Variants in SNX25 observed in about 807,000 individuals in gnomAD.
The protein encoded by SNX25 is sorting nexin-25.
A neutral mutation model predicts 113.7 loss-of-function variants in SNX25; 62 were observed. The observed-to-expected ratio is 0.55, with a 90% CI of 0.44 to 0.67. The LOEUF is 0.67. Ranked by LOEUF, SNX25 falls within the 30% of genes least tolerant of loss-of-function variation. The probability of loss-of-function intolerance (pLI) is 0.00; values close to 1 mark genes in which losing one functional copy is unlikely to be tolerated. For synonymous variants in SNX25, 421 were observed against 436.2 expected (o/e 0.97, Z 0.43); for missense variants, 1,014 against 1,161.0 (o/e 0.87, Z 1.84).
intron 10 of SNX25, 95 bp from the exon 11 acceptor site, chr4:185,339,284 C>A: frequency 8.5e-7 from 1 of 1,170,204 alleles, no homozygotes; most frequent in Non-Finnish European, 1.2e-6. Flanking sequence ...CGAAACACAG[C>A]TGATTATTGT....
chr4:185,217,857 C>G (rs925032476), intron 1 of SNX25, among the ~76,000 whole-genome samples: 1 of 152,136 alleles, frequency 6.6e-6, no homozygotes, highest in African/African-American at 2.4e-5. Flanking sequence ...TAATTGCATA[C>G]CACCTTGCCA....
chr4:185,326,218 C>T (rs1012681770), intron 9 of SNX25, among the ~76,000 whole-genome samples: 2 of 152,132 alleles, frequency 1.3e-5, no homozygotes, highest in African/African-American at 4.8e-5. Context: ...ATATTTTAAG[C>T]AAAACGTCAG....
At chr4:185,336,183 A>G (rs2095228805) in intron 10 of SNX25, among the ~76,000 whole-genome samples, 1 of 152,188 alleles carries the variant, frequency 6.6e-6, no homozygotes, top group African/African-American at 2.4e-5. Context: ...TTTATTTTTT[A>G]TTTCAATACG....
chr4:185,341,530 A>G (rs1428621818), intron 11 of SNX25, among the ~76,000 whole-genome samples: 1 of 152,202 alleles, frequency 6.6e-6, no homozygotes, highest in East Asian at 1.9e-4. Context: ...CACAGGATGC[A>G]TTGGCTCCCT....
the SNX25 span, chr4:185,378,014 T>G: frequency 1.6e-5 from 20 of 1,244,806 alleles, no homozygotes; most frequent in African/African-American, 2.3e-4. Context: ...TTGTCTCGTT[T>G]GCTCTAGCAT....
chr4:185,256,798 A>G (rs1424427361), intron 2 of SNX25, among the ~76,000 whole-genome samples: 1 of 151,298 alleles, frequency 6.6e-6, no homozygotes, highest in Non-Finnish European at 1.5e-5. Flanking sequence ...TAATTTTTGT[A>G]TTTTTTGTAG....
intron 1 of SNX25, among the ~76,000 whole-genome samples, chr4:185,221,027 C>A (rs1739755514): frequency 6.6e-6 from 1 of 151,650 alleles, no homozygotes; most frequent in Non-Finnish European, 1.5e-5. Context: ...CCACCACACC[C>A]AGCTAATTTT....
intron 2 of SNX25, among the ~76,000 whole-genome samples, chr4:185,249,920 A>G (rs1045234870): frequency 6.6e-6 from 1 of 152,092 alleles, no homozygotes; most frequent in African/African-American, 2.4e-5. Context: ...GCTAATTCCA[A>G]CATCCGGGCT....
chr4:185,306,312 C>G lies in SNX25; in HGVS notation c.1163-4323C>G, dbSNP rs1317511785. On this transcript the variant is annotated intron_variant, in intron 6 of 18. Coordinates refer to ENST00000652585, the MANE Select transcript of SNX25 (RefSeq NM_001378034.2). ...AAAATAAACAGAACCATCTAAGCAA[C>G]AAGCTGCTGTTGCATTTGTTAGCAA... Among the ~76,000 whole-genome samples the G allele has an allele frequency of 4.6e-5, 7 of 152,246 alleles. No homozygotes were observed. The East Asian group carries it at 1.3e-3, about 29-fold the overall frequency.
intron 1 of SNX25, among the ~76,000 whole-genome samples, chr4:185,241,242 G>A (rs1301388221): frequency 2.6e-5 from 4 of 152,114 alleles, no homozygotes; most frequent in Admixed American, 6.6e-5. Context: ...TCAGGAGGCC[G>A]AGGCTGGCGG....
At chr4:185,215,329 C>T (rs546190505) in intron 1 of SNX25, among the ~76,000 whole-genome samples, 2 of 152,270 alleles carry the variant, frequency 1.3e-5, no homozygotes, top group African/African-American at 2.4e-5. Context: ...CCTTCCCTGC[C>T]CTCTCCGGCC....
At chr4:185,343,016 G>A (rs987891868) in intron 12 of SNX25, among the ~76,000 whole-genome samples, 4 of 152,126 alleles carry the variant, frequency 2.6e-5, no homozygotes, top group Admixed American at 6.5e-5. Flanking sequence ...TCAGCCTCCC[G>A]AGTAGCTGGG....
chr4:185,311,432 G>A (rs1474706593), intron 7 of SNX25, among the ~76,000 whole-genome samples: 2 of 152,150 alleles, frequency 1.3e-5, no homozygotes, highest in African/African-American at 4.8e-5. Flanking sequence ...ACGGAGCTTA[G>A]GGAAGTGTTT....
intron 16 of SNX25, among the ~76,000 whole-genome samples, chr4:185,361,446 TA>T (rs1311778228): frequency 6.6e-6 from 1 of 151,942 alleles, no homozygotes; most frequent in Non-Finnish European, 1.5e-5. Context: ...ATTACCAAAA[TA>T]AAAAAATGGG....
chr4:185,349,008 C>T (rs528777223), intron 13 of SNX25, among the ~76,000 whole-genome samples: 2 of 152,226 alleles, frequency 1.3e-5, no homozygotes, highest in East Asian at 3.9e-4. Flanking sequence ...CCTCCAGGTT[C>T]ATTCATGTTG....
intron 1 of SNX25, among the ~76,000 whole-genome samples, chr4:185,240,411 C>T (rs1743602801): frequency 6.6e-6 from 1 of 150,516 alleles, no homozygotes; most frequent in Non-Finnish European, 1.5e-5. Context: ...CCCCCCACCT[C>T]CCTCCCGGAT....
At chr4:185,289,017 C>T (rs1751770016) in intron 6 of SNX25, among the ~76,000 whole-genome samples, 1 of 152,184 alleles carries the variant, frequency 6.6e-6, no homozygotes, top group South Asian at 2.1e-4. Context: ...GCAAAGGAAG[C>T]TTGGGCTGGG....
intron 15 of SNX25, 81 bp downstream of exon 15, chr4:185,353,683 C>T (rs2095326429): frequency 9.6e-7 from 1 of 1,042,688 alleles, no homozygotes; most frequent in East Asian, 2.4e-5. Context: ...ATTTAATATC[C>T]CTTTATTGCT....
At chr4:185,277,483 C>T (rs148492306) in intron 5 of SNX25, among the ~76,000 whole-genome samples, 77 of 152,240 alleles carry the variant, frequency 5.1e-4, no homozygotes, top group African/African-American at 1.8e-3. Context: ...GAAACCCTGA[C>T]TGTGGCATTT....
Sources: allele counts gnomAD v4.1 joint callset (sites outside exome capture counted in the v4.1 genomes callset), GRCh38; gene constraint gnomAD v4.1.1; transcripts MANE v1.5; gene names NCBI Gene and HGNC (gene_info 2026-07-23, HGNC 2026-07-21).